EML5: variants seen among roughly 807,000 people sequenced by gnomAD.
EML5 encodes echinoderm microtubule-associated protein-like 5.
EML5 carries 120 observed loss-of-function variants against 250.0 expected under a neutral mutation model. That is an observed-to-expected ratio of 0.48 (90% CI 0.41 to 0.56). The LOEUF is 0.56. Among genes scored for constraint, EML5 ranks in the 20% least tolerant of loss-of-function variants. EML5 has a pLI of 0.00. For synonymous variants in EML5, 771 were observed against 806.5 expected (o/e 0.96, Z 0.75); for missense variants, 2,006 against 2,437.6 (o/e 0.82, Z 3.73).
At chr14:88,696,232 C>A (rs1266452086) in intron 15 of EML5, among the ~76,000 whole-genome samples, 2 of 151,722 alleles carry the variant, frequency 1.3e-5, no homozygotes, top group Non-Finnish European at 2.9e-5. Context: ...TCAGTCAGAG[C>A]AGCAAAAGCA....
intron 36 of EML5, 189 bp downstream of exon 36, chr14:88,624,781 T>C (rs995620651): frequency 4.7e-6 from 3 of 637,038 alleles, no homozygotes; most frequent in South Asian, 2.3e-5. Context: ...ATGAAAAAAA[T>C]TGGAAGTGAA....
In EML5 at chr14:88,738,237, G is replaced by A. The variant is rs912725805; in HGVS notation, c.847+642C>T. On this transcript the variant is annotated intron_variant, in intron 6 of 43. Transcript: ENST00000554922. ...TTGAGAAATATCAATTCATATATAG[G>A]ATCCTATATCCTAAATAATATATTT... 2.6e-5 allele frequency among the ~76,000 whole-genome samples: 4 copies of A among 151,860 alleles called. No homozygotes were observed. In the East Asian group the frequency reaches 7.7e-4, roughly 29 times the overall value.
chr14:88,667,375 G>T (rs546122036), intron 21 of EML5, among the ~76,000 whole-genome samples: 1 of 152,040 alleles, frequency 6.6e-6, no homozygotes, highest in Middle Eastern at 3.2e-3. Context: ...AAGAATATAA[G>T]ACCGTGACTA....
chr14:88,749,921 G>A lies in EML5; in HGVS notation c.358-3638C>T, dbSNP rs575404961. 2.0e-5 allele frequency among the ~76,000 whole-genome samples: 3 copies of A among 152,232 alleles called. No homozygotes were observed. The East Asian group carries it at 5.8e-4, about 29-fold the overall frequency. ...ACAACACATACTGTGAAAAGTACTG[G>A]TTTAGAGCAGGGGTCAGCAAAGTAC... On this transcript the variant is annotated intron_variant, in intron 2 of 43. Coordinates refer to ENST00000554922, the MANE Select transcript of EML5 (RefSeq NM_183387.3).
intron 30 of EML5, 72 bp downstream of exon 30, chr14:88,644,361 C>T (rs1159842169): frequency 6.5e-6 from 9 of 1,395,078 alleles, no homozygotes; most frequent in Non-Finnish European, 8.9e-6. Flanking sequence ...AAACTAATGA[C>T]AAAACTTGGG....
chr14:88,730,196 A>G (rs934883158), intron 7 of EML5, among the ~76,000 whole-genome samples: 2 of 152,248 alleles, frequency 1.3e-5, no homozygotes, highest in Non-Finnish European at 2.9e-5. Flanking sequence ...CATTAGGTTT[A>G]TTATGCAATG....
intron 27 of EML5, among the ~76,000 whole-genome samples, chr14:88,654,550 T>A (rs928353666): frequency 4.6e-5 from 7 of 152,198 alleles, no homozygotes; most frequent in African/African-American, 1.7e-4. Flanking sequence ...CAGTAGTAAT[T>A]CAGGAGCAGG....
intron 33 of EML5, among the ~76,000 whole-genome samples, chr14:88,633,425 A>C (rs1465313746): frequency 6.6e-6 from 1 of 151,994 alleles, no homozygotes; most frequent in East Asian, 1.9e-4. Context: ...CTGTCATCTC[A>C]TTTGATTACA....
intron 21 of EML5, among the ~76,000 whole-genome samples, chr14:88,673,658 C>T (rs1190702200): frequency 6.6e-6 from 1 of 152,196 alleles, no homozygotes; most frequent in Non-Finnish European, 1.5e-5. Context: ...GCTTCTTAAG[C>T]TGATATGCAA....
intron 1 of EML5, among the ~76,000 whole-genome samples, chr14:88,785,931 T>C (rs1185095705): frequency 1.3e-5 from 2 of 152,188 alleles, no homozygotes; most frequent in African/African-American, 4.8e-5. Flanking sequence ...CATTCTCAGA[T>C]GGGAAAGTGA....
chr14:88,650,348 G>T (rs938348072), intron 27 of EML5, among the ~76,000 whole-genome samples: 10 of 152,136 alleles, frequency 6.6e-5, no homozygotes, highest in Non-Finnish European at 1.5e-4. Flanking sequence ...CAGTTACTCA[G>T]GAGGCTGAGG....
intron 34 of EML5, 135 bp downstream of exon 34, chr14:88,627,509 CTG>C: frequency 3.9e-6 from 3 of 775,450 alleles, no homozygotes; most frequent in Non-Finnish European, 4.0e-6. Context: ...TACAGTACCA[CTG>C]TGTACAGTAT....
At chr14:88,622,232 G>C (rs1159030683) in intron 37 of EML5, 1 of 175,138 alleles carries the variant, frequency 5.7e-6, no homozygotes, top group Non-Finnish European at 1.2e-5. Context: ...TGGCTGAGTA[G>C]TATTTCATTG....
rs759302017 is a variant in EML5, at chr14:88,712,267, G to A, written c.1657+4C>T. On this transcript the variant is annotated splice_donor_region_variant and intron_variant, in intron 10 of 43. Transcript: ENST00000554922. Reference sequence around the variant, plus strand: ...GTTACTTAATATTTTGAAAGAAAAGGTACCTTTTCTTAAACATGGATATCG... The same window carrying A: ...GTTACTTAATATTTTGAAAGAAAAGATACCTTTTCTTAAACATGGATATCG... 6.3e-7 allele frequency: 1 copy of A among 1,594,304 alleles called. No individual in the cohort carries two copies.
chr14:88,740,457 C>T lies in EML5; in HGVS notation c.641G>A (p.Gly214Asp), dbSNP rs756642672. The T allele has an allele frequency of 6.2e-7, 1 of 1,613,778 alleles. No homozygotes were observed. Among genetic ancestry groups the T allele is most frequent in the Non-Finnish European group, 8.5e-7 (1 of 1,179,798 alleles). Reference protein sequence around the residue: ...ACARDELTYSGALNGDIYVWK... With the variant: ...ACARDELTYSDALNGDIYVWK... ...AACATATATATCCCCATTGAGTGCA[C>T]CAGAATATGTTAATTCATCCCTTGC... The change falls in exon 5 of 44, where the codon GGT (glycine) becomes GAT (aspartate). Residue 214 changes from glycine (G) to aspartate (D), a missense_variant. Gly to Asp is a moderately conservative substitution (Grantham distance 94). Transcript: ENST00000554922.
chr14:88,683,091 C>A (rs2141183115), intron 20 of EML5, among the ~76,000 whole-genome samples: 1 of 152,386 alleles, frequency 6.6e-6, no homozygotes, highest in South Asian at 2.1e-4. Context: ...TTGAAAATTT[C>A]TTAACTATTC....
chr14:88,658,532 C>A, intron 25 of EML5, 144 bp from the exon 26 acceptor site: 1 of 665,076 alleles, frequency 1.5e-6, no homozygotes, highest in South Asian at 2.6e-5. Flanking sequence ...TACTGAAACT[C>A]AGCAGAATAA....
chr14:88,646,932 C>CAA lies in EML5; in HGVS notation c.4028+13_4028+14dup. The CAA allele has an allele frequency of 2.5e-6, 4 of 1,590,814 alleles. No homozygotes were observed. The highest frequency in any genetic ancestry group is 3.4e-6 in the Non-Finnish European group (4 of 1,177,106). On this transcript the variant is annotated intron_variant, in intron 29 of 43. Coordinates refer to ENST00000554922, the MANE Select transcript of EML5 (RefSeq NM_183387.3). ...ACAAAGTTAGGCTTTGTAAACACAG[C>CAA]AAAGAGAGGATTACCTGGAACCTCT...
chr14:88,759,930 G>A (rs1185915365), intron 1 of EML5, among the ~76,000 whole-genome samples: 1 of 152,138 alleles, frequency 6.6e-6, no homozygotes, highest in Non-Finnish European at 1.5e-5. Flanking sequence ...GGTAGTGTCA[G>A]TGTTCTTAAT....
Sources: gnomAD v4.1 joint callset for allele counts (sites outside exome capture counted in the v4.1 genomes callset) on GRCh38, gnomAD v4.1.1 for gene constraint, MANE v1.5 for transcripts, NCBI Gene and HGNC (gene_info 2026-07-23, HGNC 2026-07-21) for gene names.